The following WDR59 variants were observed in gnomAD, a reference collection of about 807,000 sequenced individuals.
WDR59 encodes the protein GATOR2 complex protein WDR59.
WDR59 carries 100 observed loss-of-function variants against 131.2 expected under a neutral mutation model. The observed-to-expected ratio is 0.76, with a 90% CI of 0.65 to 0.90. The LOEUF is 0.90. Ranked by LOEUF, WDR59 falls within the 40% of genes least tolerant of loss-of-function variation. The pLI is 0.00. For missense variants in WDR59, 1,203 were observed against 1,262.2 expected (o/e 0.95, Z 0.71); for synonymous variants, 601 against 466.2 (o/e 1.29, Z -3.72).
intron 24 of WDR59, chr16:74,886,050 T>TAGATCTCGGTGGTC: frequency 1.5e-6 from 1 of 662,654 alleles, no homozygotes; most frequent in Non-Finnish European, 2.4e-6. Context: ...TGGTGGCGTG[T>TAGATCTCGGTGGTC]GCCTGTAATC....
intron 1 of WDR59, among the ~76,000 whole-genome samples, chr16:74,984,072 T>C (rs1471290348): frequency 6.6e-6 from 1 of 150,650 alleles, no homozygotes; most frequent in Non-Finnish European, 1.5e-5. Context: ...AGGTCAGGAG[T>C]TCAAGACCAG....
intron 14 of WDR59, 110 bp downstream of exon 14, chr16:74,912,088 G>A (rs752954674): frequency 3.9e-5 from 57 of 1,463,198 alleles, no homozygotes; most frequent in South Asian, 1.4e-4. Flanking sequence ...GTGTGTGTAC[G>A]AAACAGATGA....
chr16:74,908,003 T>C (rs1385117650), intron 17 of WDR59, among the ~76,000 whole-genome samples: 4 of 152,220 alleles, frequency 2.6e-5, no homozygotes, highest in Non-Finnish European at 5.9e-5. Flanking sequence ...ATAGATTGCC[T>C]ATAAAGAAAA....
intron 1 of WDR59, 69 bp downstream of exon 1, chr16:74,984,895 G>A: frequency 1.3e-6 from 2 of 1,568,328 alleles, no homozygotes; most frequent in Non-Finnish European, 1.7e-6. Flanking sequence ...CGGGACGGAA[G>A]CAGCCGCGTG....
chr16:74,930,022 C>A (rs1416857830), intron 8 of WDR59, among the ~76,000 whole-genome samples: 1 of 152,060 alleles, frequency 6.6e-6, no homozygotes, highest in Admixed American at 6.6e-5. Context: ...ATGATGGTTA[C>A]CAGAGGCTGG....
At chr16:74,966,338 G>C (rs1165688296) in intron 1 of WDR59, among the ~76,000 whole-genome samples, 3 of 151,988 alleles carry the variant, frequency 2.0e-5, no homozygotes, top group Non-Finnish European at 4.4e-5. Flanking sequence ...AAATTAGCCC[G>C]GTGTTGTGGT....
chr16:74,915,482 G>A (rs886640599), intron 13 of WDR59: 8 of 158,784 alleles, frequency 5.0e-5, no homozygotes, highest in African/African-American at 1.2e-4. Context: ...CAGGCTGGAG[G>A]ACAGTGGTGC....
chr16:74,938,527 G>C (rs2031980799), intron 7 of WDR59, among the ~76,000 whole-genome samples: 2 of 152,124 alleles, frequency 1.3e-5, no homozygotes, highest in South Asian at 4.2e-4. Flanking sequence ...AAGGTAGTAG[G>C]TGCTTTTCAC....
intron 18 of WDR59, among the ~76,000 whole-genome samples, chr16:74,894,201 T>C (rs1965178992): frequency 6.6e-6 from 1 of 152,198 alleles, no homozygotes; most frequent in African/African-American, 2.4e-5. Flanking sequence ...TCATCAAAAT[T>C]TTTTTCCTTA....
chr16:74,877,689 C>T lies in WDR59; in HGVS notation c.2690-3245G>A, dbSNP rs182781055. 4.2e-3 allele frequency among the ~76,000 whole-genome samples: 644 copies of T among 152,214 alleles called. 7 individuals carry two copies. The highest frequency in any genetic ancestry group is 7.1e-3 in the South Asian group (34 of 4,812). On this transcript the variant is annotated intron_variant, in intron 25 of 25. Coordinates refer to ENST00000262144, the MANE Select transcript of WDR59 (RefSeq NM_030581.4). ...CCTCCTGAGTGGCTGGGACTACAGGCGCCTGCCAACATGCCCGGCTAATTT... is the reference window on the plus strand; with the variant it reads ...CCTCCTGAGTGGCTGGGACTACAGGTGCCTGCCAACATGCCCGGCTAATTT...
intron 8 of WDR59, among the ~76,000 whole-genome samples, 169 bp downstream of exon 8, chr16:74,937,981 T>C (rs2031935234): frequency 6.6e-6 from 1 of 152,248 alleles, no homozygotes; most frequent in Non-Finnish European, 1.5e-5. Context: ...CTCTGTCGCA[T>C]TTTGCTGGTC....
chr16:74,953,831 C>A (rs1225869086), intron 3 of WDR59, among the ~76,000 whole-genome samples: 1 of 151,680 alleles, frequency 6.6e-6, no homozygotes, highest in South Asian at 2.1e-4. Context: ...GAAACCCTGT[C>A]TCTACTAAAA....
intron 1 of WDR59, among the ~76,000 whole-genome samples, chr16:74,982,776 T>C (rs1276384892): frequency 6.6e-6 from 1 of 152,122 alleles, no homozygotes; most frequent in Non-Finnish European, 1.5e-5. Context: ...ATGCTACTGC[T>C]CAAATTCTCA....
At chr16:74,954,512 G>A (rs943768197) in intron 3 of WDR59, among the ~76,000 whole-genome samples, 23 of 152,162 alleles carry the variant, frequency 1.5e-4, no homozygotes, top group African/African-American at 5.6e-4. Flanking sequence ...ATTTTGGAGA[G>A]GATGTGGAAA....
At chr16:74,905,694 T>A (rs1965774078) in intron 17 of WDR59, among the ~76,000 whole-genome samples, 1 of 149,018 alleles carries the variant, frequency 6.7e-6, no homozygotes, top group Non-Finnish European at 1.5e-5. Context: ...AAAATAATAA[T>A]AATAAATAAA....
chr16:74,981,616 A>G (rs1371345428), intron 1 of WDR59, among the ~76,000 whole-genome samples: 1 of 972 alleles, frequency 1.0e-3, no homozygotes, highest in African/African-American at 1.9e-3. Flanking sequence ...ACATTTACAT[A>G]TATATATATA....
At chr16:74,887,800 C>G in intron 22 of WDR59, 45 bp from the exon 23 acceptor site, 2 of 1,557,302 alleles carry the variant, frequency 1.3e-6, no homozygotes, top group Middle Eastern at 1.7e-4. Context: ...CATGAGAATA[C>G]CATTCCCCAT....
At chr16:74,954,543 C>T (rs546213097) in intron 3 of WDR59, among the ~76,000 whole-genome samples, 7 of 152,278 alleles carry the variant, frequency 4.6e-5, no homozygotes, top group Non-Finnish European at 8.8e-5. Context: ...CTGTGCATTG[C>T]TGATGGGAGT....
chr16:74,970,528 G>C (rs1235782225), intron 1 of WDR59, among the ~76,000 whole-genome samples: 1 of 67,004 alleles, frequency 1.5e-5, no homozygotes, highest in Non-Finnish European at 4.5e-5. Context: ...AAAAAAAAAA[G>C]CAGCTCTCCC....
Sources: gnomAD v4.1 joint callset for allele counts (sites outside exome capture counted in the v4.1 genomes callset) on GRCh38, gnomAD v4.1.1 for gene constraint, MANE v1.5 for transcripts, NCBI Gene and HGNC (gene_info 2026-07-23, HGNC 2026-07-21) for gene names.